Variants in ZNF793 observed in about 807,000 individuals in gnomAD.
ZNF793 encodes the protein zinc finger protein 793.
A neutral mutation model predicts 12.4 loss-of-function variants in ZNF793; 5 were observed. The observed-to-expected ratio is 0.40, with a 90% confidence interval of 0.21 to 0.84. The LOEUF is 0.84. ZNF793 is among the 40% of genes least tolerant of loss of function. ZNF793 has a pLI of 0.35. For missense variants in ZNF793, 456 were observed against 495.0 expected (o/e 0.92, Z 0.75); for synonymous variants, 162 against 172.4 (o/e 0.94, Z 0.47).
chr19:37,507,373 C>CT (rs1199464614), intron 1 of ZNF793: 6 of 152,252 alleles, frequency 3.9e-5, no homozygotes, highest in Non-Finnish European at 7.3e-5. Context: ...GTTTAGAGAT[C>CT]TTTAAGGTTA....
chr19:37,518,713 C>T (rs2042352840), intron 2 of ZNF793, among the ~76,000 whole-genome samples: 1 of 150,294 alleles, frequency 6.7e-6, no homozygotes, highest in Admixed American at 6.6e-5. Flanking sequence ...GTGGGAGGAT[C>T]ACCTGAGCCT....
intron 5 of ZNF793, among the ~76,000 whole-genome samples, chr19:37,526,932 A>G (rs1363573842): frequency 6.6e-6 from 1 of 152,060 alleles, no homozygotes; most frequent in African/African-American, 2.4e-5. Context: ...TTTGTCCTTT[A>G]GAATTGTTTT....
chr19:37,519,690 G>T (rs2042360507), intron 2 of ZNF793, among the ~76,000 whole-genome samples: 1 of 152,120 alleles, frequency 6.6e-6, no homozygotes, highest in Non-Finnish European at 1.5e-5. Context: ...GTTTACAAAA[G>T]AAATGCAAAT....
intron 5 of ZNF793, among the ~76,000 whole-genome samples, chr19:37,525,481 G>A (rs1481729905): frequency 1.4e-5 from 2 of 141,610 alleles, no homozygotes; most frequent in Non-Finnish European, 3.0e-5. Context: ...CTGTCACTCA[G>A]GCTGGAGTGC....
intron 2 of ZNF793, among the ~76,000 whole-genome samples, chr19:37,516,880 A>G (rs2042336766): frequency 6.6e-6 from 1 of 151,796 alleles, no homozygotes; most frequent in Non-Finnish European, 1.5e-5. Context: ...TCCTGGCCTC[A>G]AGCGATCTGC....
chr19:37,514,493 C>A (rs1250928238), intron 2 of ZNF793, among the ~76,000 whole-genome samples: 1 of 152,058 alleles, frequency 6.6e-6, no homozygotes, highest in African/African-American at 2.4e-5. Flanking sequence ...TAGGTTAAGA[C>A]TGCAGTGAGC....
intron 7 of ZNF793, chr19:37,534,992 CT>C: frequency 6.6e-6 from 1 of 151,892 alleles, no homozygotes; most frequent in East Asian, 1.9e-4. Flanking sequence ...TCCTTCTCCA[CT>C]TTTTTTTGTT....
chr19:37,523,056 C>T (rs971992546), intron 4 of ZNF793, among the ~76,000 whole-genome samples: 16 of 152,174 alleles, frequency 1.1e-4, no homozygotes, highest in Admixed American at 2.0e-4. Context: ...GGGTCTTACT[C>T]TGTCACCTAG....
chr19:37,520,585 A>G (rs557421572), intron 3 of ZNF793, among the ~76,000 whole-genome samples: 14 of 152,354 alleles, frequency 9.2e-5, no homozygotes, highest in African/African-American at 3.1e-4. Context: ...CCAGGAAGAC[A>G]GAGTGAAGGG....
At chr19:37,525,335 T>C (rs1263780689) in intron 5 of ZNF793, among the ~76,000 whole-genome samples, 3 of 151,598 alleles carry the variant, frequency 2.0e-5, no homozygotes, top group African/African-American at 7.3e-5. Context: ...AGACAGGGTT[T>C]CACCGTGTTA....
At chr19:37,520,003 G>T (rs78409487) in intron 2 of ZNF793, among the ~76,000 whole-genome samples, 181 bp from the exon 3 acceptor site, 2,053 of 152,294 alleles carry the variant, frequency 0.013, 42 homozygotes, top group African/African-American at 0.046. Flanking sequence ...GTCATTCCTT[G>T]GCTCAGGGAG....
In ZNF793 at chr19:37,537,322, C is replaced by T. The variant is rs1335068780; in HGVS notation, c.664C>T (p.Pro222Ser). Reference protein sequence around the residue: ...SLLYKRKRVPPTEKPHVCSEC... With the variant: ...SLLYKRKRVPSTEKPHVCSEC... ...CTTGTACAAACGGAAGAGGGTTCCA[C>T]CTACAGAAAAACCCCACGTCTGTAG... The change falls in exon 8 of 8, where the codon CCT (proline) becomes TCT (serine). Residue 222 changes from proline to serine, a missense_variant. Coordinates refer to ENST00000627814, the MANE Select transcript of ZNF793 (RefSeq NM_001013659.3). 6.2e-7 allele frequency: 1 copy of T among 1,613,518 alleles called. No individual in the cohort carries two copies. The highest frequency in any genetic ancestry group is 2.2e-5 in the East Asian group (1 of 44,888).
At position 37,538,164 on chromosome 19, in the gene ZNF793, C is replaced by G. The variant is rs2042525766; in HGVS notation, c.*285C>G. The G allele has an allele frequency of 3.4e-6, 1 of 290,758 alleles. No homozygotes were observed. The highest frequency in any genetic ancestry group is 4.8e-5 in the Admixed American group (1 of 20,940). The allele number at this position is 290,758 out of a possible 1,614,324, so 18.0% of individuals were successfully genotyped here. On this transcript the variant is annotated 3_prime_UTR_variant, in exon 8 of 8. Coordinates refer to ENST00000627814, the MANE Select transcript of ZNF793 (RefSeq NM_001013659.3). ...TCTCCTGACCTTGTGATCTGCCCGC[C>G]TTGTCCTCCCAAAGTGCTGGGATTA...
intron 2 of ZNF793, among the ~76,000 whole-genome samples, chr19:37,509,924 T>C (rs962043042): frequency 2.6e-5 from 4 of 152,168 alleles, no homozygotes; most frequent in African/African-American, 9.7e-5. Flanking sequence ...TTGTCTGTTT[T>C]TGATCTCTAA....
At chr19:37,532,630 G>A in intron 6 of ZNF793, 148 bp downstream of exon 6, 1 of 818,192 alleles carries the variant, frequency 1.2e-6, no homozygotes, top group Non-Finnish European at 1.8e-6. Flanking sequence ...GGCCAGCATG[G>A]TGAAACCCTG....
At chr19:37,512,143 A>G (rs189504316) in intron 2 of ZNF793, among the ~76,000 whole-genome samples, 49 of 152,132 alleles carry the variant, frequency 3.2e-4, no homozygotes, top group African/African-American at 9.6e-4. Flanking sequence ...TAATCTTTTC[A>G]TCTTGCTCAC....
Position 37,537,911 on chromosome 19 carries a change from A to T in ZNF793, c.*32A>T, listed in dbSNP as rs892081423. 157 of 1,357,324 alleles carry T rather than the reference A, an allele frequency of 1.2e-4. No homozygotes were observed. Among genetic ancestry groups the T allele is most frequent in the Middle Eastern group, 8.0e-4 (4 of 5,002 alleles). The allele number at this position is 1,357,324 out of a possible 1,614,324, so 84.1% of individuals were successfully genotyped here. On this transcript the variant is annotated 3_prime_UTR_variant, in exon 8 of 8. Coordinates refer to ENST00000627814, the MANE Select transcript of ZNF793 (RefSeq NM_001013659.3). ...TATCTGGTTTCATGGTATGTAGGGAATTTTTTTTTTTTTTTTTTGAGTTGG... is the reference window on the plus strand; with the variant it reads ...TATCTGGTTTCATGGTATGTAGGGATTTTTTTTTTTTTTTTTTTGAGTTGG...
At chr19:37,519,300 A>G (rs1474029609) in intron 2 of ZNF793, among the ~76,000 whole-genome samples, 1 of 152,138 alleles carries the variant, frequency 6.6e-6, no homozygotes. Flanking sequence ...AATTCCCTTC[A>G]GAAAGCTGGA....
At chr19:37,523,810 A>G (rs1178012154) in intron 5 of ZNF793, among the ~76,000 whole-genome samples, 1 of 152,182 alleles carries the variant, frequency 6.6e-6, no homozygotes, top group East Asian at 1.9e-4. Context: ...GAGGGTAGAT[A>G]TCCTTGGATG....
Sources: gnomAD v4.1 joint callset for allele counts (sites outside exome capture counted in the v4.1 genomes callset) on GRCh38, gnomAD v4.1.1 for gene constraint, MANE v1.5 for transcripts, NCBI Gene and HGNC (gene_info 2026-07-23, HGNC 2026-07-21) for gene names.